COL19A1: variants seen among roughly 807,000 people sequenced by gnomAD.
COL19A1 encodes the protein collagen type XIX alpha 1 chain.
A neutral mutation model predicts 190.2 loss-of-function variants in COL19A1; 159 were observed. That is an observed-to-expected ratio of 0.84 (90% CI 0.73 to 0.95). The LOEUF is 0.95. Among genes scored for constraint, COL19A1 ranks in the 40% least tolerant of loss-of-function variants. The pLI, the probability that COL19A1 is intolerant of heterozygous loss-of-function variation, is 0.00. For missense variants in COL19A1, 1,418 were observed against 1,431.9 expected, an observed-to-expected ratio of 0.99 and a Z score of 0.16; for synonymous variants, 509 against 458.9, an observed-to-expected ratio of 1.11 and a Z score of -1.39.
intron 10 of COL19A1, among the ~76,000 whole-genome samples, chr6:69,960,612 T>C (rs1774722171): frequency 6.6e-6 from 1 of 151,408 alleles, no homozygotes; most frequent in Non-Finnish European, 1.5e-5. Context: ...TGAACTTCCT[T>C]TGTGCCCCCA....
At chr6:70,161,379 A>G (rs1472125116) in intron 34 of COL19A1, among the ~76,000 whole-genome samples, 4 of 152,198 alleles carry the variant, frequency 2.6e-5, no homozygotes, top group Non-Finnish European at 4.4e-5. Context: ...GAGTGGCCCT[A>G]TAAAATAAGA....
At chr6:69,983,054 TTACA>T (rs1378886602) in intron 11 of COL19A1, among the ~76,000 whole-genome samples, 1 of 151,472 alleles carries the variant, frequency 6.6e-6, no homozygotes, top group Non-Finnish European at 1.5e-5. Context: ...ATTTCCACAC[TTACA>T]TACACACAAC....
chr6:70,135,865 A>G (rs933830243), intron 18 of COL19A1, among the ~76,000 whole-genome samples: 1 of 152,150 alleles, frequency 6.6e-6, no homozygotes, highest in African/African-American at 2.4e-5. Context: ...TGCTTCTGAA[A>G]GAGTTCAGGT....
At position 70,199,702 on chromosome 6, in the gene COL19A1, G is replaced by A. The variant is rs1442463072; in HGVS notation, c.3189G>A (p.Gly1063=). The change falls in exon 49 of 51, where the codon GGG becomes GGA. Residue 1063 remains glycine, a synonymous_variant. Transcript: ENST00000620364. Reference sequence around the variant, plus strand: ...GACCTGGGCCACCAGGGAAGGATGGGTTGCCTGGGCCACCAGGAGACCCTG... The same window carrying A: ...GACCTGGGCCACCAGGGAAGGATGGATTGCCTGGGCCACCAGGAGACCCTG... ...YGRPGPPGKD[G]LPGPPGDPGP... is the part of the protein sequence containing the mutation. 1.9e-6 allele frequency: 3 copies of A among 1,611,142 alleles called. No homozygotes were observed. The highest frequency in any genetic ancestry group is 2.2e-5 in the South Asian group (2 of 90,534).
At chr6:70,086,226 A>G (rs961117939) in intron 15 of COL19A1, among the ~76,000 whole-genome samples, 1 of 152,182 alleles carries the variant, frequency 6.6e-6, no homozygotes, top group African/African-American at 2.4e-5. Context: ...AACAGAATTC[A>G]GCATTCACAG....
chr6:69,902,446 T>C (rs1305973696), intron 4 of COL19A1, among the ~76,000 whole-genome samples: 1 of 152,148 alleles, frequency 6.6e-6, no homozygotes, highest in African/African-American at 2.4e-5. Context: ...CCTTGAGCCT[T>C]GCTTAATGTA....
At chr6:69,991,384 T>C (rs543257903) in intron 11 of COL19A1, among the ~76,000 whole-genome samples, 50 of 152,210 alleles carry the variant, frequency 3.3e-4, no homozygotes, top group Non-Finnish European at 6.8e-4. Flanking sequence ...GATAGAATAA[T>C]TTATATTCCT....
At chr6:69,921,481 T>TATATATTCATATATATGA (rs1771895038) in intron 4 of COL19A1, among the ~76,000 whole-genome samples, 1 of 86,434 alleles carries the variant, frequency 1.2e-5, no homozygotes, top group East Asian at 2.9e-4. Flanking sequence ...CATATATTCA[T>TATATATTCATATATATGA]ATATATTCAT....
At chr6:69,978,871 G>C (rs957300223) in intron 11 of COL19A1, among the ~76,000 whole-genome samples, 1 of 151,122 alleles carries the variant, frequency 6.6e-6, no homozygotes, top group Non-Finnish European at 1.5e-5. Context: ...ATAGAAAAAA[G>C]ACAAGCTAGA....
intron 48 of COL19A1, among the ~76,000 whole-genome samples, chr6:70,191,734 C>A (rs941152274): frequency 6.6e-6 from 1 of 152,200 alleles, no homozygotes; most frequent in African/African-American, 2.4e-5. Context: ...TAAGATTTAA[C>A]AAATGAATCC....
At position 70,206,110 on chromosome 6, in the gene COL19A1, G is replaced by T. The variant is rs181587217; in HGVS notation, c.3224-791G>T. Among the ~76,000 whole-genome samples the T allele has an allele frequency of 3.9e-4, 59 of 152,194 alleles. 1 individual carries two copies. Among genetic ancestry groups the T allele is most frequent in the Non-Finnish European group, 7.1e-4 (48 of 67,984 alleles). ...CATTTATTAGAATCTTGAATTATTT[G>T]TTCCTTTCATTTCCTTTAATTCTTG... On this transcript the variant is annotated intron_variant, in intron 49 of 50. Transcript: ENST00000620364.
At chr6:70,055,320 A>C in intron 14 of COL19A1, among the ~76,000 whole-genome samples, 1 of 152,162 alleles carries the variant, frequency 6.6e-6, no homozygotes, top group East Asian at 1.9e-4. Flanking sequence ...TGTCTGTCAA[A>C]GTTTCACTCT....
At chr6:70,192,710 T>TA (rs530921359) in intron 48 of COL19A1, among the ~76,000 whole-genome samples, 1 of 152,196 alleles carries the variant, frequency 6.6e-6, no homozygotes, top group African/African-American at 2.4e-5. Context: ...GCACACTTGT[T>TA]AAAAAATGAT....
chr6:70,184,667 C>A (rs1248846501), intron 44 of COL19A1, 36 bp from the exon 45 acceptor site: 9 of 1,520,264 alleles, frequency 5.9e-6, no homozygotes, highest in Non-Finnish European at 7.2e-6. Flanking sequence ...TATGTTAATG[C>A]AGAGTTAGAA....
chr6:70,019,272 G>C (rs1346289109), intron 11 of COL19A1, among the ~76,000 whole-genome samples: 1 of 152,092 alleles, frequency 6.6e-6, no homozygotes, highest in African/African-American at 2.4e-5. Context: ...GTTACTGCTA[G>C]AATTAAAAGT....
At chr6:70,189,161 A>T (rs1766706824) in intron 47 of COL19A1, among the ~76,000 whole-genome samples, 1 of 152,034 alleles carries the variant, frequency 6.6e-6, no homozygotes, top group Non-Finnish European at 1.5e-5. Flanking sequence ...ATTTTTTGTC[A>T]TTCTAAGTCA....
intron 2 of COL19A1, among the ~76,000 whole-genome samples, chr6:69,887,165 T>C (rs963173447): frequency 6.6e-6 from 1 of 152,244 alleles, no homozygotes; most frequent in Non-Finnish European, 1.5e-5. Context: ...TGTTTCCAAC[T>C]TGGCAATAAG....
At chr6:69,897,149 TGTGCATG>T (rs763676353) in intron 2 of COL19A1, among the ~76,000 whole-genome samples, 1 of 152,234 alleles carries the variant, frequency 6.6e-6, no homozygotes, top group Non-Finnish European at 1.5e-5. Flanking sequence ...AGTTAGTTTT[TGTGCATG>T]GTGTGAAATA....
intron 15 of COL19A1, among the ~76,000 whole-genome samples, chr6:70,085,087 T>C (rs1175273643): frequency 6.6e-6 from 1 of 152,228 alleles, no homozygotes; most frequent in African/African-American, 2.4e-5. Flanking sequence ...ATTCAATAAT[T>C]GCTAATTATT....
Sources: gnomAD v4.1 joint callset for allele counts (sites outside exome capture counted in the v4.1 genomes callset) on GRCh38, gnomAD v4.1.1 for gene constraint, MANE v1.5 for transcripts, NCBI Gene and HGNC (gene_info 2026-07-23, HGNC 2026-07-21) for gene names.